Variants in SNX29 observed in about 807,000 individuals in gnomAD.
The protein encoded by SNX29 is sorting nexin 29.
In SNX29, 78 loss-of-function variants were observed where a neutral mutation model predicts 102.1. The observed-to-expected ratio is 0.76, with a 90% CI of 0.64 to 0.92. The LOEUF is 0.92. Ranked by LOEUF, SNX29 falls within the 40% of genes least tolerant of loss-of-function variation. SNX29 has a pLI of 0.00. For synonymous variants in SNX29, 580 were observed against 414.5 expected, an observed-to-expected ratio of 1.40 and a Z score of -4.85; for missense variants, 1,280 against 1,061.7, an observed-to-expected ratio of 1.21 and a Z score of -2.86.
chr16:12,527,981 T>C (rs919018740), intron 20 of SNX29, among the ~76,000 whole-genome samples: 8 of 128,686 alleles, frequency 6.2e-5, no homozygotes, highest in Non-Finnish European at 1.1e-4. Flanking sequence ...CCCACCACCA[T>C]GCCTGGCTAT....
chr16:12,514,221 A>T (rs1348831093), intron 19 of SNX29, among the ~76,000 whole-genome samples: 1 of 152,184 alleles, frequency 6.6e-6, no homozygotes, highest in African/African-American at 2.4e-5. Flanking sequence ...AGTCTCATAG[A>T]AGGAATAGCT....
At chr16:12,373,203 G>C (rs2082746625) in intron 16 of SNX29, among the ~76,000 whole-genome samples, 1 of 152,180 alleles carries the variant, frequency 6.6e-6, no homozygotes, top group Non-Finnish European at 1.5e-5. Flanking sequence ...TGCAGTCATA[G>C]CTCGCTGCAG....
At chr16:12,420,757 G>A (rs2084840814) in intron 18 of SNX29, among the ~76,000 whole-genome samples, 1 of 152,112 alleles carries the variant, frequency 6.6e-6, no homozygotes. Flanking sequence ...GAGATGAAGA[G>A]GCAGCCTCAG....
intron 20 of SNX29, among the ~76,000 whole-genome samples, chr16:12,525,206 T>C (rs2076745182): frequency 6.6e-6 from 1 of 152,082 alleles, no homozygotes; most frequent in African/African-American, 2.4e-5. Flanking sequence ...CAAGCTTGGG[T>C]AATGAACCCA....
At chr16:12,047,118 C>G (rs1361140545) in intron 6 of SNX29, among the ~76,000 whole-genome samples, 2 of 152,172 alleles carry the variant, frequency 1.3e-5, no homozygotes, top group African/African-American at 4.8e-5. Context: ...TTTCTTTCCT[C>G]TCTGTGAGGT....
chr16:12,310,084 GCACACATGCA>G (rs1222308364), intron 15 of SNX29, among the ~76,000 whole-genome samples: 32 of 148,496 alleles, frequency 2.2e-4, no homozygotes, highest in Middle Eastern at 3.4e-3. Flanking sequence ...ATACACATGT[GCACACATGCA>G]CACACATGCA....
At chr16:12,535,283 C>T (rs911791901) in intron 20 of SNX29, among the ~76,000 whole-genome samples, 4 of 152,124 alleles carry the variant, frequency 2.6e-5, no homozygotes, top group South Asian at 2.1e-4. Context: ...GGATTACAGG[C>T]ATGTGCCACC....
intron 7 of SNX29, among the ~76,000 whole-genome samples, chr16:12,050,063 C>T (rs866755593): frequency 1.3e-5 from 2 of 152,146 alleles, no homozygotes; most frequent in African/African-American, 2.4e-5. Flanking sequence ...TCTGTCTTGC[C>T]CTGTGCTTCT....
chr16:12,217,002 A>G (rs569159688), intron 14 of SNX29, among the ~76,000 whole-genome samples: 1 of 152,278 alleles, frequency 6.6e-6, no homozygotes, highest in African/African-American at 2.4e-5. Context: ...CACAAAAAGA[A>G]TGGGTATTAG....
In SNX29 at chr16:12,512,369, A is replaced by AAT. The variant is rs58157322; in HGVS notation, c.2179-12285_2179-12284dup. 5.9e-3 allele frequency among the ~76,000 whole-genome samples: 259 copies of AAT among 43,860 alleles called. 1 individual carries two copies. The highest frequency in any genetic ancestry group is 8.4e-3 in the Non-Finnish European group (198 of 23,702). 28.8% of individuals were successfully genotyped at this position (43,860 alleles called of 152,430 possible). A position where few individuals can be genotyped will look rare whatever the true frequency, so the allele number is the denominator to read the frequency against. On this transcript the variant is annotated intron_variant, in intron 19 of 20. Coordinates refer to ENST00000566228, the MANE Select transcript of SNX29 (RefSeq NM_032167.5). Reference sequence around the variant, plus strand: ...CGTCCATCATGGAAGGCCCAGGGAAAATATATATATATATATATATATATA... The same window carrying AAT: ...CGTCCATCATGGAAGGCCCAGGGAAAATATATATATATATATATATATATATA...
intron 20 of SNX29, among the ~76,000 whole-genome samples, chr16:12,531,789 C>T (rs1009700518): frequency 6.6e-6 from 1 of 152,176 alleles, no homozygotes; most frequent in African/African-American, 2.4e-5. Flanking sequence ...TGAAGGCAGG[C>T]CCAGAGCCAG....
chr16:12,443,694 A>C (rs2085911861), intron 18 of SNX29, among the ~76,000 whole-genome samples: 1 of 152,176 alleles, frequency 6.6e-6, no homozygotes, highest in African/African-American at 2.4e-5. Context: ...CAGATAATCT[A>C]CCTGCCTTGG....
chr16:12,300,614 A>C lies in SNX29; in HGVS notation c.1782+22578A>C, dbSNP rs1441806378. On this transcript the variant is annotated intron_variant, in intron 15 of 20. Coordinates refer to ENST00000566228, the MANE Select transcript of SNX29 (RefSeq NM_032167.5). ...AAAAAGAATGATGAGAGAGAATAGC[A>C]ACACAAGAAAAACAAGCTGTTGAGA... Among the ~76,000 whole-genome samples, 4 of 152,198 alleles carry C rather than the reference A, an allele frequency of 2.6e-5. No homozygotes were observed. In the East Asian group the frequency reaches 5.8e-4, roughly 22 times the overall value.
At chr16:12,148,612 C>T (rs761698862) in intron 13 of SNX29, among the ~76,000 whole-genome samples, 8 of 152,170 alleles carry the variant, frequency 5.3e-5, no homozygotes, top group South Asian at 2.1e-4. Flanking sequence ...TTTTCTAATA[C>T]ATCACTTCTT....
chr16:12,433,630 C>CAAAA (rs1235730528), intron 18 of SNX29, among the ~76,000 whole-genome samples: 11 of 55,350 alleles, frequency 2.0e-4, no homozygotes, highest in African/African-American at 3.0e-4. Flanking sequence ...GACTGCGTCT[C>CAAAA]AAAAAAAAAA....
intron 14 of SNX29, among the ~76,000 whole-genome samples, chr16:12,259,995 C>T (rs1331504985): frequency 6.6e-6 from 1 of 152,192 alleles, no homozygotes; most frequent in Non-Finnish European, 1.5e-5. Context: ...GATGCGCGGC[C>T]ACGTTCCTCC....
At chr16:11,986,845 A>G (rs1482641538) in intron 1 of SNX29, among the ~76,000 whole-genome samples, 1 of 152,164 alleles carries the variant, frequency 6.6e-6, no homozygotes, top group East Asian at 1.9e-4. Flanking sequence ...TGGGTAAGTG[A>G]AAGGACGTGG....
intron 3 of SNX29, among the ~76,000 whole-genome samples, chr16:12,009,820 A>G (rs569182578): frequency 3.4e-4 from 52 of 152,364 alleles, no homozygotes; most frequent in African/African-American, 1.1e-3. Flanking sequence ...CCCTCTAGAA[A>G]TAATGGCCCA....
intron 1 of SNX29, chr16:11,977,349 C>CTT (rs1567485288): frequency 6.5e-6 from 1 of 153,626 alleles, no homozygotes; most frequent in Non-Finnish European, 1.4e-5. Flanking sequence ...TTCTGCAACC[C>CTT]GTTTGTCTTC....
Sources: gnomAD v4.1 joint callset for allele counts (sites outside exome capture counted in the v4.1 genomes callset) on GRCh38, gnomAD v4.1.1 for gene constraint, MANE v1.5 for transcripts, NCBI Gene and HGNC (gene_info 2026-07-23, HGNC 2026-07-21) for gene names.